The following PSIP1 variants were observed in gnomAD, a reference collection of about 807,000 sequenced individuals.
PSIP1 encodes PC4 and SFRS1-interacting protein.
Under a neutral mutation model 74.7 loss-of-function variants are expected in PSIP1, and 19 were observed. That is an observed-to-expected ratio of 0.25 (90% confidence interval 0.18 to 0.37). The LOEUF (loss-of-function observed/expected upper bound fraction) is 0.37, where lower values mean the gene tolerates loss of function less well. PSIP1 is among the 10% of genes least tolerant of loss of function. The probability of loss-of-function intolerance (pLI) is 1.00; values close to 1 mark genes in which losing one functional copy is unlikely to be tolerated. For synonymous variants in PSIP1, 222 were observed against 195.3 expected, an observed-to-expected ratio of 1.14 and a Z score of -1.14; for missense variants, 601 against 614.3, an observed-to-expected ratio of 0.98 and a Z score of 0.23.
At chr9:15,496,445 A>G (rs1238741656) in intron 3 of PSIP1, among the ~76,000 whole-genome samples, 2 of 152,252 alleles carry the variant, frequency 1.3e-5, no homozygotes, top group Non-Finnish European at 2.9e-5. Flanking sequence ...ACAAAATAAG[A>G]CATAGCAAAG....
chr9:15,504,025 G>C (rs184490111), intron 3 of PSIP1, among the ~76,000 whole-genome samples: 1 of 152,052 alleles, frequency 6.6e-6, no homozygotes, highest in Non-Finnish European at 1.5e-5. Flanking sequence ...GATTACACGC[G>C]TAAGCCACCG....
At chr9:15,496,290 T>C (rs2132177859) in intron 3 of PSIP1, among the ~76,000 whole-genome samples, 1 of 152,330 alleles carries the variant, frequency 6.6e-6, no homozygotes, top group African/African-American at 2.4e-5. Context: ...AGGAACTATG[T>C]AAAGCTAAGG....
chr9:15,486,987 A>T (rs1344973812), intron 4 of PSIP1, 56 bp from the exon 5 acceptor site: 4 of 1,121,084 alleles, frequency 3.6e-6, no homozygotes, highest in Non-Finnish European at 5.1e-6. Context: ...CCAATAATAT[A>T]TACAATTCTT....
intron 4 of PSIP1, among the ~76,000 whole-genome samples, chr9:15,489,004 G>T (rs2036700731): frequency 6.6e-6 from 1 of 151,970 alleles, no homozygotes; most frequent in Non-Finnish European, 1.5e-5. Context: ...CTGGGCGACA[G>T]AGCGAGACTC....
intron 3 of PSIP1, among the ~76,000 whole-genome samples, chr9:15,501,866 T>TATATATATATATAA (rs1491160431): frequency 4.3e-4 from 58 of 135,656 alleles, no homozygotes; most frequent in South Asian, 2.7e-3. Context: ...TATATATATA[T>TATATATATATATAA]AAAACGCACA....
chr9:15,507,434 G>A (rs2037644047), intron 2 of PSIP1, among the ~76,000 whole-genome samples: 1 of 152,102 alleles, frequency 6.6e-6, no homozygotes, highest in African/African-American at 2.4e-5. Flanking sequence ...TGGATCATGA[G>A]GTCAGGAGTT....
chr9:15,506,560 C>T lies in PSIP1; in HGVS notation c.149+1G>A, dbSNP rs749700330. ...TTGCCTTTAAAGCTAACAGGACTTACGTCTCATGAGTTCCAAAAAAGAAAA... is the reference window on the plus strand; with the variant it reads ...TTGCCTTTAAAGCTAACAGGACTTATGTCTCATGAGTTCCAAAAAAGAAAA... On this transcript the variant is annotated splice_donor_variant, in intron 3 of 15. Transcript: ENST00000380733. LOFTEE classifies it high-confidence loss of function. The T allele has an allele frequency of 1.2e-6, 2 of 1,600,148 alleles. No individual in the cohort carries two copies. Among genetic ancestry groups the T allele is most frequent in the Non-Finnish European group, 1.7e-6 (2 of 1,167,756 alleles).
chr9:15,508,341 C>G (rs563031106), intron 2 of PSIP1, among the ~76,000 whole-genome samples: 2 of 152,114 alleles, frequency 1.3e-5, no homozygotes, highest in African/African-American at 2.4e-5. Context: ...TACACCAACA[C>G]TAAATGGAGG....
chr9:15,471,991 A>C, intron 10 of PSIP1: 1 of 974,316 alleles, frequency 1.0e-6, no homozygotes, highest in South Asian at 4.8e-5. Flanking sequence ...AAAGACACGA[A>C]GTCTGTTCAT....
chr9:15,487,060 C>T (rs2036587768), intron 4 of PSIP1, 129 bp from the exon 5 acceptor site: 1 of 515,938 alleles, frequency 1.9e-6, no homozygotes, highest in African/African-American at 2.0e-5. Context: ...GGCAGTGGCG[C>T]AATTATGGTT....
Position 15,469,307 on chromosome 9 carries a change from T to G in PSIP1, c.1063A>C (p.Ile355Leu). Reference protein sequence around the residue: ...ETSMDSRLQRIHAEIKNSLKI... With the variant: ...ETSMDSRLQRLHAEIKNSLKI... ...AGTGAATTTTTAATCTCAGCATGTA[T>G]CCTTTGAAGTCGAGAATCCATTGAT... Residue 355 changes from isoleucine to leucine, a missense_variant, in exon 12 of 16, where the codon ATA (isoleucine) becomes CTA (leucine). Physicochemically the swap from Ile to Leu is conservative, Grantham distance 5. Around this residue, in one of 2 missense-constraint regions of PSIP1, gnomAD observed 538 missense variants for 507.6 expected, o/e 1.06. Coordinates refer to ENST00000380733, the MANE Select transcript of PSIP1 (RefSeq NM_033222.5). 1.9e-6 allele frequency: 3 copies of G among 1,572,912 alleles called. No homozygotes were observed. Among genetic ancestry groups the G allele is most frequent in the Non-Finnish European group, 2.6e-6 (3 of 1,157,346 alleles).
chr9:15,469,844 A>G, intron 11 of PSIP1, 94 bp downstream of exon 11: 1 of 1,076,836 alleles, frequency 9.3e-7, no homozygotes, highest in Non-Finnish European at 1.4e-6. Context: ...ATATGAGTAT[A>G]AAATTATTCC....
At chr9:15,483,210 T>C (rs1259309576) in intron 6 of PSIP1, among the ~76,000 whole-genome samples, 5 of 152,134 alleles carry the variant, frequency 3.3e-5, no homozygotes, top group Non-Finnish European at 7.3e-5. Context: ...GAACAATATA[T>C]ATATCTCTTC....
chr9:15,485,200 T>C (rs939493303), intron 6 of PSIP1, among the ~76,000 whole-genome samples: 1 of 152,196 alleles, frequency 6.6e-6, no homozygotes, highest in Non-Finnish European at 1.5e-5. Flanking sequence ...TTGGTACCCA[T>C]TTCCCTCAGA....
intron 3 of PSIP1, among the ~76,000 whole-genome samples, chr9:15,504,477 G>T (rs115311018): frequency 0.01 from 1,526 of 152,064 alleles, 20 homozygotes; most frequent in African/African-American, 0.035. Context: ...GTATAAAATC[G>T]GTTCCATTCC....
intron 3 of PSIP1, among the ~76,000 whole-genome samples, chr9:15,504,763 T>G (rs1156325680): frequency 6.6e-6 from 1 of 151,614 alleles, no homozygotes. Flanking sequence ...AAAAACCTGT[T>G]CCATTTCAGA....
intron 2 of PSIP1, among the ~76,000 whole-genome samples, chr9:15,509,317 C>G (rs1239106930): frequency 6.6e-6 from 1 of 152,092 alleles, no homozygotes; most frequent in Non-Finnish European, 1.5e-5. Flanking sequence ...TGTTTGAGAG[C>G]CTGGGTACCA....
intron 6 of PSIP1, among the ~76,000 whole-genome samples, chr9:15,483,622 C>G (rs1172622951): frequency 6.6e-6 from 1 of 152,126 alleles, no homozygotes; most frequent in Non-Finnish European, 1.5e-5. Flanking sequence ...TCTTTACTGA[C>G]TACTCAAATC....
chr9:15,480,305 GC>G (rs2036279509), intron 6 of PSIP1, among the ~76,000 whole-genome samples: 1 of 152,152 alleles, frequency 6.6e-6, no homozygotes, highest in Admixed American at 6.5e-5. Context: ...GATCATAACT[GC>G]AAAAGGAGGA....
Sources: allele counts gnomAD v4.1 joint callset (sites outside exome capture counted in the v4.1 genomes callset), GRCh38; gene constraint gnomAD v4.1.1; regional missense constraint gnomAD v4.1.1; transcripts MANE v1.5; gene names NCBI Gene and HGNC (gene_info 2026-07-23, HGNC 2026-07-21).